Variants in NFAT5 observed in about 807,000 individuals in gnomAD.
NFAT5 encodes nuclear factor of activated T cells 5, also known as nuclear factor of activated T-cells 5.
In NFAT5, 31 loss-of-function variants were observed where a neutral mutation model predicts 166.5. The ratio of observed to expected loss-of-function variants is 0.19; its 90% confidence interval spans 0.14 to 0.25. NFAT5 has a LOEUF of 0.25. Among genes scored for constraint, NFAT5 ranks in the 10% least tolerant of loss-of-function variants. The pLI is 1.00. For missense variants in NFAT5, 1,449 were observed against 1,821.8 expected (o/e 0.80, Z 3.72); for synonymous variants, 612 against 639.7 (o/e 0.96, Z 0.65).
chr16:69,630,176 A>T (rs1397271202), intron 3 of NFAT5, among the ~76,000 whole-genome samples: 2 of 151,742 alleles, frequency 1.3e-5, no homozygotes, highest in African/African-American at 4.8e-5. Flanking sequence ...ACCTCAGGTG[A>T]TGGACCTGGC....
chr16:69,700,375 A>T lies in NFAT5; in HGVS notation c.*4024A>T, dbSNP rs1163987004. ...GAAAGTTGTATCTGAGTCCCTCCAG[A>T]ACTAAGATAATTCTTTTTGACCATT... On this transcript the variant is annotated 3_prime_UTR_variant, in exon 15 of 15. Transcript: ENST00000349945. 6.6e-6 allele frequency: 1 copy of T among 152,230 alleles called. No homozygotes were observed. Among genetic ancestry groups the T allele is most frequent in the Non-Finnish European group, 1.5e-5 (1 of 68,044 alleles). The allele number at this position is 152,230 out of a possible 1,614,324, so 9.4% of individuals were successfully genotyped here. A position where few individuals can be genotyped will look rare whatever the true frequency, so the allele number is the denominator to read the frequency against.
chr16:69,631,060 T>A (rs1441503705), intron 3 of NFAT5, among the ~76,000 whole-genome samples: 1 of 152,256 alleles, frequency 6.6e-6, no homozygotes, highest in African/African-American at 2.4e-5. Flanking sequence ...GTTTATTAGT[T>A]TATTTCAAAA....
intron 14 of NFAT5, 149 bp from the exon 15 acceptor site, chr16:69,696,211 A>C (rs1015589143): frequency 8.5e-5 from 13 of 152,200 alleles, no homozygotes; most frequent in Admixed American, 7.9e-4. Context: ...CCAGAAATAA[A>C]TATTGAGTCA....
intron 3 of NFAT5, among the ~76,000 whole-genome samples, chr16:69,640,396 A>C (rs1445343520): frequency 6.6e-6 from 1 of 152,222 alleles, no homozygotes; most frequent in Non-Finnish European, 1.5e-5. Flanking sequence ...ACTTTGCATT[A>C]ATATTATAAG....
intron 11 of NFAT5, among the ~76,000 whole-genome samples, chr16:69,688,646 C>T (rs2037426534): frequency 6.6e-6 from 1 of 152,148 alleles, no homozygotes; most frequent in African/African-American, 2.4e-5. Flanking sequence ...GGATTACAGG[C>T]ATGAGCCAAT....
intron 2 of NFAT5, among the ~76,000 whole-genome samples, chr16:69,585,836 G>T (rs963385074): frequency 6.6e-6 from 1 of 152,146 alleles, no homozygotes; most frequent in Non-Finnish European, 1.5e-5. Flanking sequence ...GTAGAATATT[G>T]GTTACCAGGA....
At position 69,701,039 on chromosome 16, in the gene NFAT5, G is replaced by C. The variant is rs1378080316; in HGVS notation, c.*4688G>C. 1 of 151,850 alleles carries C rather than the reference G, an allele frequency of 6.6e-6. No homozygotes were observed. The highest frequency in any genetic ancestry group is 2.1e-4 in the South Asian group (1 of 4,806). The allele number at this position is 151,850 out of a possible 1,614,324, so 9.4% of individuals were successfully genotyped here. ...AGCTCACTGCAGCCTCCACCTCCCA[G>C]GTTCAAGCGATTCTCCTGCCTCAGC... On this transcript the variant is annotated 3_prime_UTR_variant, in exon 15 of 15. Transcript: ENST00000349945.
chr16:69,614,937 T>TA (rs1275489790), intron 2 of NFAT5, among the ~76,000 whole-genome samples: 1 of 147,746 alleles, frequency 6.8e-6, no homozygotes, highest in African/African-American at 2.5e-5. Context: ...AGTACAGTGG[T>TA]ACGATCTTGG....
At chr16:69,568,275 G>T (rs768195742) in intron 1 of NFAT5, among the ~76,000 whole-genome samples, 1 of 151,916 alleles carries the variant, frequency 6.6e-6, no homozygotes, top group Non-Finnish European at 1.5e-5. Context: ...AGCCGAGATC[G>T]CACCATTGCA....
At chr16:69,621,413 TTCTCTCTCAC>T (rs2034192662) in intron 2 of NFAT5, among the ~76,000 whole-genome samples, 1 of 152,182 alleles carries the variant, frequency 6.6e-6, no homozygotes, top group Non-Finnish European at 1.5e-5. Context: ...CCCATATCCC[TTCTCTCTCAC>T]TTTCTCTCAC....
intron 2 of NFAT5, among the ~76,000 whole-genome samples, chr16:69,585,889 A>G (rs1357057036): frequency 1.3e-5 from 2 of 152,216 alleles, no homozygotes; most frequent in African/African-American, 4.8e-5. Flanking sequence ...TTAAATGGGT[A>G]CAGAGTTTGT....
intron 14 of NFAT5, chr16:69,695,626 G>A: frequency 3.0e-6 from 1 of 332,576 alleles, no homozygotes; most frequent in Non-Finnish European, 5.5e-6. Context: ...GGCGGATCAC[G>A]AGGTCAGGCG....
Position 69,690,960 on chromosome 16 carries a change from A to T in NFAT5, c.1795A>T (p.Asn599Tyr), listed in dbSNP as rs1284780801. ...AMKAMKTTGC[N>Y]LDKVNIIPNA... ...TGCAGCAATGAAAACTACTGGATGT[A>T]ATTTAGATAAGGTAAATATTATCCC... is the stretch of plus-strand genomic sequence containing the variant. Residue 599 changes from asparagine to tyrosine, a missense_variant, in exon 12 of 15, where the codon AAT becomes TAT. This residue lies in a region of NFAT5 where 245 missense variants were observed against 366.6 expected (regional missense o/e 0.67). Coordinates refer to ENST00000349945, the MANE Select transcript of NFAT5 (RefSeq NM_138713.4). The T allele has an allele frequency of 4.4e-6, 7 of 1,580,994 alleles. No individual in the cohort carries two copies. The highest frequency in any genetic ancestry group is 6.0e-6 in the Non-Finnish European group (7 of 1,166,270).
intron 3 of NFAT5, among the ~76,000 whole-genome samples, chr16:69,628,740 C>CA (rs1275725916): frequency 6.6e-6 from 1 of 152,102 alleles, no homozygotes; most frequent in Non-Finnish European, 1.5e-5. Context: ...TAGGGAAAGG[C>CA]ATATTAATTT....
intron 7 of NFAT5, 152 bp from the exon 8 acceptor site, chr16:69,669,825 A>G: frequency 1.5e-6 from 1 of 654,498 alleles, no homozygotes; most frequent in Non-Finnish European, 2.4e-6. Flanking sequence ...AGCAAGAATT[A>G]TAGCCTTTCC....
intron 2 of NFAT5, among the ~76,000 whole-genome samples, chr16:69,603,586 T>TA (rs1329329749): frequency 1.3e-5 from 2 of 151,776 alleles, no homozygotes; most frequent in Non-Finnish European, 2.9e-5. Flanking sequence ...ACCTCATCTC[T>TA]AAAAAAAATA....
intron 5 of NFAT5, among the ~76,000 whole-genome samples, chr16:69,653,902 G>C (rs1347238302): frequency 6.6e-6 from 1 of 151,966 alleles, no homozygotes; most frequent in African/African-American, 2.4e-5. Context: ...TTTTTGAGAT[G>C]GTTATAGTAA....
chr16:69,608,859 C>T lies in NFAT5; in HGVS notation c.128-17544C>T, dbSNP rs547669214. Among the ~76,000 whole-genome samples the T allele has an allele frequency of 1.4e-3, 207 of 151,366 alleles. 1 individual carries two copies. Among genetic ancestry groups the T allele is most frequent in the Non-Finnish European group, 3.7e-4 (25 of 67,854 alleles). ...TAATCTGGCCAGGTGTGGTGGCTCA[C>T]GCCTGTAATTCCAGCACTTTAGGAG... On this transcript the variant is annotated intron_variant, in intron 2 of 14. Coordinates refer to ENST00000349945, the MANE Select transcript of NFAT5 (RefSeq NM_138713.4).
At chr16:69,626,648 C>A in intron 3 of NFAT5, 120 bp downstream of exon 3, 1 of 769,482 alleles carries the variant, frequency 1.3e-6, no homozygotes, top group Middle Eastern at 4.0e-4. Flanking sequence ...TAAAAAGAGG[C>A]ATTAAAATAT....
Sources: gnomAD v4.1 joint callset for allele counts (sites outside exome capture counted in the v4.1 genomes callset) on GRCh38, gnomAD v4.1.1 for gene constraint, gnomAD v4.1.1 regional missense constraint, MANE v1.5 for transcripts, NCBI Gene and HGNC (gene_info 2026-07-23, HGNC 2026-07-21) for gene names.